ZNF26: variants seen among roughly 807,000 people sequenced by gnomAD.
The protein encoded by ZNF26 is epididymis luminal protein 179.
In ZNF26, 32 loss-of-function variants were observed where a neutral mutation model predicts 54.9. That is an observed-to-expected ratio of 0.58 (90% confidence interval 0.44 to 0.78). ZNF26 has a LOEUF of 0.78. Among genes scored for constraint, ZNF26 ranks in the 30% least tolerant of loss-of-function variants. The pLI is 0.00. For synonymous variants in ZNF26, 221 were observed against 209.2 expected, an observed-to-expected ratio of 1.06 and a Z score of -0.49; for missense variants, 524 against 634.0, an observed-to-expected ratio of 0.83 and a Z score of 1.86.
rs1362361645 is a variant in ZNF26 at position 133,019,133 on chromosome 12, A to T, written c.*7652A>T. 1.3e-5 allele frequency: 2 copies of T among 152,168 alleles called. No individual in the cohort carries two copies. The highest frequency in any genetic ancestry group is 2.4e-5 in the African/African-American group (1 of 41,450). 9.4% of individuals were successfully genotyped at this position (152,168 alleles called of 1,614,324 possible). Reference sequence around the variant, plus strand: ...ACAAAAGTTTTACTAGAGATAAAGAAAAGTATTTTGTAAAGATAAGTCATC... The same window carrying T: ...ACAAAAGTTTTACTAGAGATAAAGATAAGTATTTTGTAAAGATAAGTCATC... On this transcript the variant is annotated 3_prime_UTR_variant, in exon 4 of 4. Transcript: ENST00000328654.
rs1315099140 is a variant in ZNF26 at position 133,026,352 on chromosome 12, G to C, written c.*14871G>C. 1 of 151,902 alleles carries C rather than the reference G, an allele frequency of 6.6e-6. No homozygotes were observed. The highest frequency in any genetic ancestry group is 1.5e-5 in the Non-Finnish European group (1 of 67,972). The allele number at this position is 151,902 out of a possible 1,614,324, so 9.4% of individuals were successfully genotyped here. On this transcript the variant is annotated 3_prime_UTR_variant, in exon 4 of 4. Coordinates refer to ENST00000328654, the MANE Select transcript of ZNF26 (RefSeq NM_019591.4). ...CTGACCTCATGATCCACCTGCCTCGGCCTCCCAAAGTGCTGGGATTACAGG... is the reference window on the plus strand; with the variant it reads ...CTGACCTCATGATCCACCTGCCTCGCCCTCCCAAAGTGCTGGGATTACAGG...
In ZNF26 at chr12:133,022,836, T is replaced by C. The variant is rs1953660901; in HGVS notation, c.*11355T>C. ...GTTATTCCCCAAATACTGTATGTAG[T>C]ATAACATCTTTGTTAAAGGCCAAGA... is the stretch of plus-strand genomic sequence containing the variant. On this transcript the variant is annotated 3_prime_UTR_variant, in exon 4 of 4. Coordinates refer to ENST00000328654, the MANE Select transcript of ZNF26 (RefSeq NM_019591.4). 1 of 152,222 alleles carries C rather than the reference T, an allele frequency of 6.6e-6. No homozygotes were observed. Among genetic ancestry groups the C allele is most frequent in the Non-Finnish European group, 1.5e-5 (1 of 68,044 alleles). The allele number at this position is 152,222 out of a possible 1,614,324, so 9.4% of individuals were successfully genotyped here.
Position 133,010,516 on chromosome 12 carries a change from G to T in ZNF26, c.637G>T (p.Ala213Ser). 1 of 1,614,058 alleles carries T rather than the reference G, an allele frequency of 6.2e-7. No homozygotes were observed. Among genetic ancestry groups the T allele is most frequent in the Non-Finnish European group, 8.5e-7 (1 of 1,180,002 alleles). The change falls in exon 4 of 4, where the codon GCC (alanine) becomes TCC (serine). Residue 213 changes from alanine (A) to serine (S), a missense_variant. Physicochemically the swap from Ala to Ser is moderately conservative, Grantham distance 99 (BLOSUM62 1). Coordinates refer to ENST00000328654, the MANE Select transcript of ZNF26 (RefSeq NM_019591.4). Reference protein sequence around the residue: ...ECSKCERAFSAKSNLNAHQRV... With the variant: ...ECSKCERAFSSKSNLNAHQRV... The stretch of plus-strand genomic sequence containing the variant: ...CAGTAAATGTGAAAGAGCCTTCAGT[G>T]CCAAGTCAAACCTTAATGCTCATCA...
chr12:132,994,947 A>G (rs7311597), intron 1 of ZNF26, among the ~76,000 whole-genome samples: 136,419 of 152,162 alleles, frequency 0.9, 61,956 homozygotes, highest in East Asian at 1. Context: ...TATGACAACC[A>G]TAAAGGGCTC....
At chr12:133,000,566 A>G (rs1953192262) in intron 1 of ZNF26, among the ~76,000 whole-genome samples, 1 of 151,918 alleles carries the variant, frequency 6.6e-6, no homozygotes, top group Non-Finnish European at 1.5e-5. Flanking sequence ...CTGGGACTAC[A>G]GGCGCCCGCC....
chr12:133,000,112 T>C (rs2137234324), intron 1 of ZNF26, among the ~76,000 whole-genome samples: 1 of 152,324 alleles, frequency 6.6e-6, no homozygotes, highest in African/African-American at 2.4e-5. Context: ...TTTATCATAA[T>C]CTCTTGTGAA....
Position 133,010,390 on chromosome 12 carries a change from G to GA in ZNF26, c.518dup (p.Asn173LysfsTer5). On this transcript the variant is annotated frameshift_variant, in exon 4 of 4. Transcript: ENST00000328654. LOFTEE classifies it high-confidence loss of function. The stretch of plus-strand genomic sequence containing the variant: ...TAAGCATCAAAGAGCTCATAGCATA[G>GA]AAAAAAACTGTGTGTGTAGTGAATG... 1 of 1,614,092 alleles carries GA rather than the reference G, an allele frequency of 6.2e-7. No homozygotes were observed. The highest frequency in any genetic ancestry group is 8.5e-7 in the Non-Finnish European group (1 of 1,180,010).
At position 133,013,599 on chromosome 12, in the gene ZNF26, T is replaced by C. The variant is rs1953524892; in HGVS notation, c.*2118T>C. On this transcript the variant is annotated 3_prime_UTR_variant, in exon 4 of 4. Transcript: ENST00000328654. ...TGAATAGGAATGTCTGGGAAGAACC[T>C]GAGGACTCAGCCTAGCAAACTCTTC... is the stretch of plus-strand genomic sequence containing the variant. The C allele has an allele frequency of 1.2e-5, 2 of 160,766 alleles. No individual in the cohort carries two copies. The highest frequency in any genetic ancestry group is 4.8e-5 in the African/African-American group (2 of 41,442). The allele number at this position is 160,766 out of a possible 1,614,324, so 10.0% of individuals were successfully genotyped here. A position where few individuals can be genotyped will look rare whatever the true frequency, so the allele number is the denominator to read the frequency against.
At chr12:132,989,577 G>C (rs1052532544) in intron 1 of ZNF26, among the ~76,000 whole-genome samples, 5 of 152,124 alleles carry the variant, frequency 3.3e-5, no homozygotes, top group Admixed American at 1.3e-4. Flanking sequence ...TACTTTATAC[G>C]TACAGCCTGA....
rs1953349967 is a variant in ZNF26 at position 133,007,150 on chromosome 12, C to A, written c.142C>A (p.His48Asn). ...CAGAGATGTGATATTGGAAAACTATCATAACCTGATATCAGTGGGTAAGTA... is the reference window on the plus strand; with the variant it reads ...CAGAGATGTGATATTGGAAAACTATAATAACCTGATATCAGTGGGTAAGTA... ...LYRDVILENY[H>N]NLISVGYHGT... is the part of the protein sequence containing the mutation. The change falls in exon 2 of 4, where the codon CAT (histidine) becomes AAT (asparagine). Residue 48 changes from histidine to asparagine, a missense_variant. By Grantham distance (68) the His-to-Asn change is moderately conservative (BLOSUM62 1). Coordinates refer to ENST00000328654, the MANE Select transcript of ZNF26 (RefSeq NM_019591.4). The A allele has an allele frequency of 6.2e-7, 1 of 1,614,048 alleles. No homozygotes were observed. The highest frequency in any genetic ancestry group is 2.2e-5 in the East Asian group (1 of 44,900).
Position 133,010,321 on chromosome 12 carries a change from A to C in ZNF26, c.442A>C (p.Lys148Gln), listed in dbSNP as rs1953441672. 3.1e-6 allele frequency: 5 copies of C among 1,614,052 alleles called. No homozygotes were observed. The highest frequency in any genetic ancestry group is 4.2e-6 in the Non-Finnish European group (5 of 1,180,014). ...NSAPSRSYLR[K>Q]NPDKFHGYEE... is the part of the protein sequence containing the mutation. ...AGCTCCAAGCAGAAGTTATTTAAGAAAGAATCCTGATAAGTTTCATGGTTA... is the reference window on the plus strand; with the variant it reads ...AGCTCCAAGCAGAAGTTATTTAAGACAGAATCCTGATAAGTTTCATGGTTA... The change falls in exon 4 of 4, where the codon AAG becomes CAG. Residue 148 changes from lysine (K) to glutamine (Q), a missense_variant. Coordinates refer to ENST00000328654, the MANE Select transcript of ZNF26 (RefSeq NM_019591.4).
intron 1 of ZNF26, among the ~76,000 whole-genome samples, chr12:132,997,908 A>G (rs972862038): frequency 1.3e-5 from 2 of 152,190 alleles, no homozygotes; most frequent in Admixed American, 6.5e-5. Flanking sequence ...CTTTTTAGGG[A>G]CTTCTTGTAG....
At position 133,017,750 on chromosome 12, in the gene ZNF26, C is replaced by T. The variant is rs1271418038; in HGVS notation, c.*6269C>T. The T allele has an allele frequency of 1.3e-5, 2 of 152,256 alleles. No homozygotes were observed. Among genetic ancestry groups the T allele is most frequent in the Non-Finnish European group, 2.9e-5 (2 of 68,078 alleles). The allele number at this position is 152,256 out of a possible 1,614,324, so 9.4% of individuals were successfully genotyped here. A position where few individuals can be genotyped will look rare whatever the true frequency, so the allele number is the denominator to read the frequency against. ...ATAGGCCAGGCGTGGTGGCTCACGC[C>T]TGTAATCCCAGCACTTTGGGAGGCC... On this transcript the variant is annotated 3_prime_UTR_variant, in exon 4 of 4. Transcript: ENST00000328654.
In ZNF26 at chr12:133,023,658, T is replaced by G. The variant is rs1953669590; in HGVS notation, c.*12177T>G. The G allele has an allele frequency of 6.6e-6, 1 of 152,248 alleles. No individual in the cohort carries two copies. The highest frequency in any genetic ancestry group is 1.5e-5 in the Non-Finnish European group (1 of 68,046). 9.4% of individuals were successfully genotyped at this position (152,248 alleles called of 1,614,324 possible). A position where few individuals can be genotyped will look rare whatever the true frequency, so the allele number is the denominator to read the frequency against. On this transcript the variant is annotated 3_prime_UTR_variant, in exon 4 of 4. Transcript: ENST00000328654. The stretch of plus-strand genomic sequence containing the variant: ...AAGTGGGCTATGACAGTAGCTTCCA[T>G]CTCATCTCCTCTTCTACAGTGTGAT...
In ZNF26 at chr12:133,026,091, T is replaced by TA. The variant is rs1217593414; in HGVS notation, c.*14611dup. The TA allele has an allele frequency of 9.2e-5, 14 of 152,048 alleles. No homozygotes were observed. The highest frequency in any genetic ancestry group is 3.4e-4 in the African/African-American group (14 of 41,374). The allele number at this position is 152,048 out of a possible 1,614,324, so 9.4% of individuals were successfully genotyped here. A position where few individuals can be genotyped will look rare whatever the true frequency, so the allele number is the denominator to read the frequency against. Reference sequence around the variant, plus strand: ...TTGAATTTCTGACCCAGGAAACTATTAGATATAATAAGTCACTTTTTTTTT... The same window carrying TA: ...TTGAATTTCTGACCCAGGAAACTATTAAGATATAATAAGTCACTTTTTTTTT... On this transcript the variant is annotated 3_prime_UTR_variant, in exon 4 of 4. Coordinates refer to ENST00000328654, the MANE Select transcript of ZNF26 (RefSeq NM_019591.4).
chr12:133,004,432 T>A (rs1420078714), intron 1 of ZNF26: 4 of 152,226 alleles, frequency 2.6e-5, no homozygotes, highest in Non-Finnish European at 5.9e-5. Flanking sequence ...GTGCTCACCG[T>A]TGTATCCAGC....
chr12:132,991,783 A>C (rs1035922828), intron 1 of ZNF26, among the ~76,000 whole-genome samples: 17 of 152,128 alleles, frequency 1.1e-4, no homozygotes, highest in South Asian at 4.1e-4. Context: ...GACCGTCTCA[A>C]AAAAATGATC....
chr12:133,007,176 C>T lies in ZNF26; in HGVS notation c.160+8C>T, dbSNP rs1953350466. The T allele has an allele frequency of 1.2e-6, 2 of 1,613,124 alleles. No homozygotes were observed. The highest frequency in any genetic ancestry group is 2.2e-5 in the South Asian group (2 of 91,046). On this transcript the variant is annotated splice_region_variant and intron_variant, in intron 2 of 3. Coordinates refer to ENST00000328654, the MANE Select transcript of ZNF26 (RefSeq NM_019591.4). ...ATAACCTGATATCAGTGGGTAAGTACTGCGTCTCAATGTTACTCAGATAGT... is the reference window on the plus strand; with the variant it reads ...ATAACCTGATATCAGTGGGTAAGTATTGCGTCTCAATGTTACTCAGATAGT...
intron 3 of ZNF26, 43 bp from the exon 4 acceptor site, chr12:133,010,093 A>G: frequency 6.5e-7 from 1 of 1,544,646 alleles, no homozygotes; most frequent in East Asian, 2.2e-5. Context: ...TATCAGGTTT[A>G]TGTTATGATT....
Sources: gnomAD v4.1 joint callset for allele counts (sites outside exome capture counted in the v4.1 genomes callset) on GRCh38, gnomAD v4.1.1 for gene constraint, MANE v1.5 for transcripts, NCBI Gene and HGNC (gene_info 2026-07-23, HGNC 2026-07-21) for gene names.